Variants in PEBP4 observed in about 807,000 individuals in gnomAD.
PEBP4 encodes the protein phosphatidylethanolamine binding protein 4, also known as phosphatidylethanolamine-binding protein 4.
PEBP4 carries 22 observed loss-of-function variants against 23.9 expected under a neutral mutation model. The ratio of observed to expected loss-of-function variants is 0.92; its 90% CI spans 0.66 to 1.31. The LOEUF (loss-of-function observed/expected upper bound fraction) is 1.31. PEBP4 is among the 40% of genes most tolerant of loss of function. PEBP4 has a pLI of 0.00. For synonymous variants in PEBP4, 112 were observed against 99.3 expected (o/e 1.13, Z -0.76); for missense variants, 324 against 281.7 (o/e 1.15, Z -1.07).
intron 4 of PEBP4, chr8:22,815,183 C>G (rs1051085664): frequency 6.6e-6 from 1 of 152,208 alleles, no homozygotes; most frequent in Non-Finnish European, 1.5e-5. Context: ...TTTAAAAGTG[C>G]TTTTCGCTTG....
At chr8:22,752,822 C>T (rs555204677) in intron 4 of PEBP4, among the ~76,000 whole-genome samples, 2 of 152,342 alleles carry the variant, frequency 1.3e-5, no homozygotes, top group South Asian at 4.1e-4. Flanking sequence ...AAGAGGTCGT[C>T]ATCTTTCTGC....
rs190633705 is a variant in PEBP4 at position 22,822,255 on chromosome 8, T to C, written c.259-4520A>G. 1.4e-3 allele frequency among the ~76,000 whole-genome samples: 217 copies of C among 152,166 alleles called. 2 individuals are homozygous for C. The highest frequency in any genetic ancestry group is 5.1e-3 in the African/African-American group (211 of 41,512). On this transcript the variant is annotated intron_variant, in intron 3 of 6. Coordinates refer to ENST00000256404, the MANE Select transcript of PEBP4 (RefSeq NM_144962.3). The stretch of plus-strand genomic sequence containing the variant: ...GCTGTAAACCACAAACTAGATGCTA[T>C]AGGAAATTAAATCAGATAATGAGAA...
intron 4 of PEBP4, among the ~76,000 whole-genome samples, chr8:22,740,718 G>A (rs758314887): frequency 1.3e-4 from 20 of 152,136 alleles, no homozygotes; most frequent in Non-Finnish European, 2.4e-4. Context: ...TTCCCCCTGT[G>A]GCCCCAGCTC....
At chr8:22,887,594 A>G (rs1300573831) in intron 3 of PEBP4, 3 of 151,748 alleles carry the variant, frequency 2.0e-5, no homozygotes, top group African/African-American at 7.3e-5. Context: ...GAAAAACTCC[A>G]TCTCTATAAA....
chr8:22,792,680 C>T (rs895142311), intron 4 of PEBP4, among the ~76,000 whole-genome samples: 10 of 152,040 alleles, frequency 6.6e-5, no homozygotes, highest in African/African-American at 1.9e-4. Flanking sequence ...AAAGAACACT[C>T]GTGGAATTTC....
chr8:22,828,193 A>T (rs1563229697), intron 3 of PEBP4, among the ~76,000 whole-genome samples: 1 of 152,110 alleles, frequency 6.6e-6, no homozygotes, highest in Non-Finnish European at 1.5e-5. Flanking sequence ...CATAGATGGG[A>T]GAGGGGCTAC....
At chr8:22,817,217 G>A (rs1806762958) in intron 4 of PEBP4, among the ~76,000 whole-genome samples, 2 of 152,322 alleles carry the variant, frequency 1.3e-5, no homozygotes, top group African/African-American at 2.4e-5. Flanking sequence ...CTCCTGGCCG[G>A]TTCTGCCACC....
chr8:22,817,979 C>T (rs977305698), intron 3 of PEBP4, among the ~76,000 whole-genome samples: 1 of 152,190 alleles, frequency 6.6e-6, no homozygotes, highest in Non-Finnish European at 1.5e-5. Context: ...ATAAATCCAA[C>T]AAGATATACA....
intron 3 of PEBP4, among the ~76,000 whole-genome samples, chr8:22,914,063 C>T (rs1047693388): frequency 6.6e-6 from 1 of 150,768 alleles, no homozygotes; most frequent in Non-Finnish European, 1.5e-5. Flanking sequence ...TCTAGGCTCA[C>T]TGCAACCTCT....
intron 3 of PEBP4, among the ~76,000 whole-genome samples, chr8:22,872,550 G>A (rs1403495582): frequency 4.6e-5 from 7 of 152,230 alleles, no homozygotes; most frequent in South Asian, 2.1e-4. Context: ...TGTTCAGTAC[G>A]TGGAAAAATG....
chr8:22,883,005 C>A (rs1434766909), intron 3 of PEBP4, among the ~76,000 whole-genome samples: 3 of 152,190 alleles, frequency 2.0e-5, no homozygotes, highest in Non-Finnish European at 4.4e-5. Context: ...GGGGTATCCC[C>A]CATGTGGCCC....
intron 4 of PEBP4, among the ~76,000 whole-genome samples, chr8:22,738,555 G>A (rs141732261): frequency 6.0e-4 from 91 of 152,268 alleles, no homozygotes; most frequent in African/African-American, 1.7e-3. Context: ...GCTGGAGCTG[G>A]GACCAGAATG....
intron 3 of PEBP4, among the ~76,000 whole-genome samples, chr8:22,849,447 G>A (rs1807506850): frequency 6.6e-6 from 1 of 152,196 alleles, no homozygotes; most frequent in Non-Finnish European, 1.5e-5. Context: ...CAGTTAGAGG[G>A]CAGAAGGAGA....
intron 4 of PEBP4, among the ~76,000 whole-genome samples, chr8:22,743,790 G>A (rs905213383): frequency 6.6e-6 from 1 of 152,226 alleles, no homozygotes; most frequent in Non-Finnish European, 1.5e-5. Context: ...CCTTTCCTCT[G>A]CCCAGGTACT....
chr8:22,714,475 T>C (rs1804373347), intron 6 of PEBP4, among the ~76,000 whole-genome samples: 1 of 151,934 alleles, frequency 6.6e-6, no homozygotes, highest in African/African-American at 2.4e-5. Flanking sequence ...GGAGCATCCT[T>C]ACATGAATTT....
At chr8:22,895,204 G>T (rs80255771) in intron 3 of PEBP4, among the ~76,000 whole-genome samples, 4,937 of 152,264 alleles carry the variant, frequency 0.032, 152 homozygotes, top group African/African-American at 0.073. Context: ...TCTGGGTATG[G>T]TTCTGTTCAC....
chr8:22,934,403 T>C (rs1809506434), intron 1 of PEBP4, among the ~76,000 whole-genome samples: 1 of 152,192 alleles, frequency 6.6e-6, no homozygotes, highest in African/African-American at 2.4e-5. Flanking sequence ...TAGGATGTTA[T>C]ATGTAATTCC....
At chr8:22,884,029 G>C (rs1395446833) in intron 3 of PEBP4, 2 of 152,198 alleles carry the variant, frequency 1.3e-5, no homozygotes, top group Non-Finnish European at 2.9e-5. Flanking sequence ...TCTGAGAAGG[G>C]AACCAGGGAA....
At chr8:22,734,953 T>C (rs1343481269) in intron 4 of PEBP4, among the ~76,000 whole-genome samples, 2 of 152,210 alleles carry the variant, frequency 1.3e-5, no homozygotes, top group Admixed American at 1.3e-4. Flanking sequence ...GCCCAGGCCA[T>C]CTGAGGCTTG....
Sources: gnomAD v4.1 joint callset for allele counts (sites outside exome capture counted in the v4.1 genomes callset) on GRCh38, gnomAD v4.1.1 for gene constraint, MANE v1.5 for transcripts, NCBI Gene and HGNC (gene_info 2026-07-23, HGNC 2026-07-21) for gene names.